PLXDC2: variants seen among roughly 807,000 people sequenced by gnomAD.
PLXDC2 encodes plexin domain-containing protein 2.
PLXDC2 carries 40 observed loss-of-function variants against 68.9 expected under a neutral mutation model. The ratio of observed to expected loss-of-function variants is 0.58; its 90% CI spans 0.45 to 0.76. PLXDC2 has a LOEUF of 0.76. PLXDC2 is among the 30% of genes least tolerant of loss of function. PLXDC2 has a pLI of 0.00. For missense variants in PLXDC2, 644 were observed against 661.9 expected (o/e 0.97, Z 0.30); for synonymous variants, 243 against 234.2 (o/e 1.04, Z -0.34).
intron 1 of PLXDC2, among the ~76,000 whole-genome samples, chr10:19,963,756 G>T (rs924973861): frequency 2.0e-5 from 3 of 151,830 alleles, no homozygotes; most frequent in Non-Finnish European, 4.4e-5. Context: ...TTAATGGGTG[G>T]AGCACACCAA....
At chr10:19,822,378 T>C (rs1481716862) in intron 1 of PLXDC2, among the ~76,000 whole-genome samples, 1 of 151,880 alleles carries the variant, frequency 6.6e-6, no homozygotes, top group Non-Finnish European at 1.5e-5. Context: ...TATTCATCAA[T>C]GGACACTCAG....
At chr10:20,099,013 A>G (rs1319485549) in intron 4 of PLXDC2, among the ~76,000 whole-genome samples, 1 of 152,202 alleles carries the variant, frequency 6.6e-6, no homozygotes, top group Admixed American at 6.6e-5. Context: ...TGAAATAAGA[A>G]GATAATTATT....
rs1835742016 is a variant in PLXDC2 at position 20,044,209 on chromosome 10, CTGTCTTT to C, written c.325-2659_325-2653del. Among the ~76,000 whole-genome samples, 2 of 91,528 alleles carry C rather than the reference CTGTCTTT, an allele frequency of 2.2e-5. 1 individual carries two copies. The highest frequency in any genetic ancestry group is 7.4e-4 in the East Asian group (2 of 2,716). The allele number at this position is 91,528 out of a possible 152,430, so 60.0% of individuals were successfully genotyped here. ...TCTTTCTTTCTCTCTCTCTCTCTCTCTGTCTTTCTTTCTTTCTTTCTTTCTTTCTTTC... is the reference window on the plus strand; with the variant it reads ...TCTTTCTTTCTCTCTCTCTCTCTCTCCTTTCTTTCTTTCTTTCTTTCTTTC... On this transcript the variant is annotated intron_variant, in intron 2 of 13. Coordinates refer to ENST00000377252, the MANE Select transcript of PLXDC2 (RefSeq NM_032812.9).
chr10:20,010,431 A>C (rs1389492542), intron 2 of PLXDC2, among the ~76,000 whole-genome samples: 3 of 152,224 alleles, frequency 2.0e-5, no homozygotes. Context: ...CTCACCCTCA[A>C]AAAAGATAAT....
At position 20,286,120 on chromosome 10, in the gene PLXDC2, T is replaced by G. The variant is rs1836149961; in HGVS notation, c.*6301T>G. 6.6e-6 allele frequency: 1 copy of G among 152,214 alleles called. No individual in the cohort carries two copies. Among genetic ancestry groups the G allele is most frequent in the Non-Finnish European group, 1.5e-5 (1 of 68,038 alleles). The allele number at this position is 152,214 out of a possible 1,614,324, so 9.4% of individuals were successfully genotyped here. ...GTTTATGGAATACATCATCATTGGCTTCTTCATAATATATTTATTATGAGT... is the reference window on the plus strand; with the variant it reads ...GTTTATGGAATACATCATCATTGGCGTCTTCATAATATATTTATTATGAGT... On this transcript the variant is annotated 3_prime_UTR_variant, in exon 14 of 14. Transcript: ENST00000377252.
intron 12 of PLXDC2, among the ~76,000 whole-genome samples, chr10:20,223,708 T>C (rs560779108): frequency 6.6e-6 from 1 of 152,336 alleles, no homozygotes; most frequent in Admixed American, 6.5e-5. Flanking sequence ...CAACTGATTA[T>C]ACTTAAAGTA....
chr10:20,027,282 G>T (rs1351657486), intron 2 of PLXDC2, among the ~76,000 whole-genome samples: 1 of 151,958 alleles, frequency 6.6e-6, no homozygotes, highest in Non-Finnish European at 1.5e-5. Flanking sequence ...GGGGCCTAAT[G>T]GGAAGTGTTT....
chr10:19,969,382 C>A (rs1834313424), intron 1 of PLXDC2, among the ~76,000 whole-genome samples: 1 of 152,186 alleles, frequency 6.6e-6, no homozygotes, highest in Non-Finnish European at 1.5e-5. Flanking sequence ...ATGTTACCAA[C>A]CTTTCTGACA....
At chr10:19,905,449 TA>T (rs1833141493) in intron 1 of PLXDC2, among the ~76,000 whole-genome samples, 1 of 152,314 alleles carries the variant, frequency 6.6e-6, no homozygotes, top group African/African-American at 2.4e-5. Context: ...AATAAGCAAT[TA>T]AAGGTTGTTT....
chr10:20,040,541 G>A (rs1031234650), intron 2 of PLXDC2, among the ~76,000 whole-genome samples: 2 of 152,202 alleles, frequency 1.3e-5, no homozygotes, highest in Middle Eastern at 3.4e-3. Context: ...ATAAATCCTC[G>A]TCTTGCTCTC....
chr10:20,204,421 T>C (rs1476138945), intron 9 of PLXDC2, among the ~76,000 whole-genome samples: 1 of 152,156 alleles, frequency 6.6e-6, no homozygotes, highest in East Asian at 1.9e-4. Flanking sequence ...GATGCTTCTT[T>C]TTAAAGCATC....
At chr10:19,987,556 TGTTTTG>T (rs1564648332) in intron 1 of PLXDC2, among the ~76,000 whole-genome samples, 1 of 81,860 alleles carries the variant, frequency 1.2e-5, no homozygotes. Context: ...TATTTGGTTT[TGTTTTG>T]TTTTTTTTTC....
intron 2 of PLXDC2, among the ~76,000 whole-genome samples, chr10:20,014,191 C>CCTTCCCTTT: frequency 7.3e-6 from 1 of 137,330 alleles, no homozygotes. Context: ...CTCCCTCCCT[C>CCTTCCCTTT]CCTTGTTTCC....
chr10:20,108,971 G>T (rs1833525022), intron 4 of PLXDC2, among the ~76,000 whole-genome samples: 1 of 152,054 alleles, frequency 6.6e-6, no homozygotes, highest in African/African-American at 2.4e-5. Context: ...GATCAAATAA[G>T]AACTGAAATC....
intron 3 of PLXDC2, among the ~76,000 whole-genome samples, chr10:20,057,760 CA>C (rs775750095): frequency 3.9e-5 from 6 of 151,918 alleles, no homozygotes; most frequent in Non-Finnish European, 8.8e-5. Context: ...CAAGGTGAAG[CA>C]CATTAGTCCT....
At chr10:19,859,186 A>G (rs74119763) in intron 1 of PLXDC2, among the ~76,000 whole-genome samples, 20,063 of 152,136 alleles carry the variant, frequency 0.13, 2,252 homozygotes, top group African/African-American at 0.3. Flanking sequence ...AACACCTCCC[A>G]CCAGGCCCCA....
At chr10:19,843,302 A>T (rs1445071764) in intron 1 of PLXDC2, among the ~76,000 whole-genome samples, 1 of 152,194 alleles carries the variant, frequency 6.6e-6, no homozygotes, top group Non-Finnish European at 1.5e-5. Flanking sequence ...CTAAGGTATT[A>T]ATTTGATAAT....
intron 9 of PLXDC2, among the ~76,000 whole-genome samples, chr10:20,187,960 T>C (rs1365092184): frequency 2.0e-5 from 3 of 151,856 alleles, no homozygotes; most frequent in Admixed American, 6.6e-5. Flanking sequence ...GCCATTTCAA[T>C]AGAAAACTGT....
At chr10:20,006,447 C>A (rs570524005) in intron 2 of PLXDC2, among the ~76,000 whole-genome samples, 5 of 152,080 alleles carry the variant, frequency 3.3e-5, no homozygotes, top group African/African-American at 4.8e-5. Flanking sequence ...TGTCTCGTAG[C>A]CCTGACTGCA....
Sources: gnomAD v4.1 joint callset for allele counts (sites outside exome capture counted in the v4.1 genomes callset) on GRCh38, gnomAD v4.1.1 for gene constraint, MANE v1.5 for transcripts, NCBI Gene and HGNC (gene_info 2026-07-23, HGNC 2026-07-21) for gene names.